FRMPD2: variants seen among roughly 807,000 people sequenced by gnomAD.
The protein encoded by FRMPD2 is FERM and PDZ domain containing 2, also known as FERM and PDZ domain-containing protein 2.
A neutral mutation model predicts 140.1 loss-of-function variants in FRMPD2; 96 were observed. The observed-to-expected ratio is 0.69, with a 90% CI of 0.58 to 0.81. FRMPD2 has a LOEUF of 0.81. Ranked by LOEUF, FRMPD2 falls within the 40% of genes least tolerant of loss-of-function variation. The pLI, the probability that FRMPD2 is intolerant of heterozygous loss-of-function variation, is 0.00. For synonymous variants in FRMPD2, 449 were observed against 547.6 expected (o/e 0.82, Z 2.52); for missense variants, 1,240 against 1,447.4 (o/e 0.86, Z 2.32).
chr10:48,194,791 C>T (rs923847735), intron 15 of FRMPD2, among the ~76,000 whole-genome samples: 3 of 152,106 alleles, frequency 2.0e-5, no homozygotes, highest in Non-Finnish European at 2.9e-5. Flanking sequence ...GGTGGGGCTG[C>T]TGGTGAGTGC....
intron 28 of FRMPD2, chr10:48,159,199 C>T (rs1213483518): frequency 8.8e-6 from 4 of 456,104 alleles, no homozygotes; most frequent in African/African-American, 4.0e-5. Context: ...CTGCTCCTGA[C>T]AACTGCATTT....
intron 13 of FRMPD2, among the ~76,000 whole-genome samples, chr10:48,211,397 T>G (rs1839320326): frequency 6.6e-6 from 1 of 152,240 alleles, no homozygotes; most frequent in Admixed American, 6.5e-5. Context: ...GGCTTTTCTC[T>G]GGCTCAAGCG....
rs769581629 is a variant in FRMPD2, at chr10:48,187,221, G to T, written c.2237C>A (p.Ser746Tyr). 1 of 1,613,706 alleles carries T rather than the reference G, an allele frequency of 6.2e-7. No homozygotes were observed. Among genetic ancestry groups the T allele is most frequent in the South Asian group, 1.1e-5 (1 of 91,022 alleles). ...ATGCATGCTCTGAACAGGTGGTCCAGAGAGAGAGTCCCAGGTCATTGGCTT... is the reference window on the plus strand; with the variant it reads ...ATGCATGCTCTGAACAGGTGGTCCATAGAGAGAGTCCCAGGTCATTGGCTT... ...IQKPMTWDSL[S>Y]GPPVQSMHAG... Residue 746 changes from serine to tyrosine, a missense_variant, in exon 17 of 29, where the codon TCT becomes TAT. Ser to Tyr is a moderately radical substitution (Grantham distance 144). This residue lies in a region of FRMPD2 where 1,161 missense variants were observed against 1,055.9 expected (regional missense o/e 1.10). Transcript: ENST00000374201.
rs778857395 is a variant in FRMPD2, at chr10:48,187,195, C to T, written c.2263G>A (p.Ala755Thr). The T allele has an allele frequency of 6.2e-7, 1 of 1,612,662 alleles. No individual in the cohort carries two copies. The highest frequency in any genetic ancestry group is 1.1e-5 in the South Asian group (1 of 90,890). The change falls in exon 17 of 29, where the codon GCA (alanine) becomes ACA (threonine). Residue 755 changes from alanine to threonine, a missense_variant. By Grantham distance (58) the Ala-to-Thr change is moderately conservative. This residue lies in a region of FRMPD2 where 1,161 missense variants were observed against 1,055.9 expected (regional missense o/e 1.10). Coordinates refer to ENST00000374201, the MANE Select transcript of FRMPD2 (RefSeq NM_001018071.4). ...LSGPPVQSMH[A>T]GSKNNRRKSF... is the part of the protein sequence containing the mutation. ...CTGGTCGTGGCCTGGCCCATACCTG[C>T]ATGCATGCTCTGAACAGGTGGTCCA...
At chr10:48,207,015 A>T in intron 13 of FRMPD2, 82 bp from the exon 14 acceptor site, 1 of 1,230,402 alleles carries the variant, frequency 8.1e-7, no homozygotes, top group Non-Finnish European at 1.1e-6. Flanking sequence ...TCCATGCAAA[A>T]CACACTGATA....
At chr10:48,196,327 T>C (rs1006046240) in intron 15 of FRMPD2, among the ~76,000 whole-genome samples, 2 of 152,122 alleles carry the variant, frequency 1.3e-5, no homozygotes, top group Non-Finnish European at 2.9e-5. Context: ...GTTTTCAGCA[T>C]GGAAGAAAAT....
rs763761421 is a variant in FRMPD2 at position 48,187,257 on chromosome 10, CAG to C, written c.2199_2200del (p.Val735AspfsTer25). The C allele has an allele frequency of 6.1e-5, 98 of 1,614,086 alleles. No homozygotes were observed. In the Middle Eastern group the frequency reaches 6.6e-4, roughly 11 times the overall value. On this transcript the variant is annotated frameshift_variant, in exon 17 of 29. Transcript: ENST00000374201. LOFTEE classifies it high-confidence loss of function. Reference sequence around the variant, plus strand: ...CCAGGTCATTGGCTTCTGGATCACACAGGCACTCTTCAGCTGCTCCCGGCCAG... The same window carrying C: ...CCAGGTCATTGGCTTCTGGATCACACGCACTCTTCAGCTGCTCCCGGCCAG...
chr10:48,245,715 G>T (rs1377508823), intron 3 of FRMPD2, among the ~76,000 whole-genome samples: 2 of 152,106 alleles, frequency 1.3e-5, no homozygotes, highest in Non-Finnish European at 2.9e-5. Flanking sequence ...GTCCCCACTT[G>T]TCTACATGGC....
At chr10:48,231,814 G>A (rs1028785415) in intron 10 of FRMPD2, among the ~76,000 whole-genome samples, 2 of 152,188 alleles carry the variant, frequency 1.3e-5, no homozygotes, top group African/African-American at 2.4e-5. Flanking sequence ...ATCATTAGAT[G>A]GAAATGCTTT....
intron 1 of FRMPD2, among the ~76,000 whole-genome samples, chr10:48,255,358 G>A (rs560714069): frequency 1.3e-3 from 198 of 152,264 alleles, no homozygotes; most frequent in African/African-American, 4.6e-3. Context: ...GGCATGCCTC[G>A]GGCTAGAATC....
intron 12 of FRMPD2, among the ~76,000 whole-genome samples, chr10:48,221,962 GTGGATGGATGGATGGTTGGA>G (rs1564429856): frequency 2.9e-5 from 4 of 136,826 alleles, no homozygotes; most frequent in African/African-American, 8.2e-5. Context: ...GGGTGGGTGG[GTGGATGGATGGATGGTTGGA>G]TGGATGGATG....
intron 13 of FRMPD2, among the ~76,000 whole-genome samples, chr10:48,211,078 T>A (rs1383801589): frequency 6.6e-6 from 1 of 152,132 alleles, no homozygotes; most frequent in Non-Finnish European, 1.5e-5. Flanking sequence ...TTCCATTGAG[T>A]GTTTATTGAG....
At position 48,213,965 on chromosome 10, in the gene FRMPD2, A is replaced by C. The variant is rs542377756; in HGVS notation, c.1456-1856T>G. Among the ~76,000 whole-genome samples the C allele has an allele frequency of 2.6e-3, 402 of 152,310 alleles. 1 individual carries two copies. The highest frequency in any genetic ancestry group is 4.9e-3 in the Non-Finnish European group (331 of 68,014). On this transcript the variant is annotated intron_variant, in intron 12 of 28. Transcript: ENST00000374201. ...GCCAGGAAGAAAATGAACTCGGGGC[A>C]CATAGCACCTGCTCCAAGAATTAAA...
At chr10:48,235,885 G>A (rs902934028) in intron 9 of FRMPD2, among the ~76,000 whole-genome samples, 27 of 152,042 alleles carry the variant, frequency 1.8e-4, no homozygotes, top group African/African-American at 6.5e-4. Context: ...GGAAGGGACA[G>A]CCCACACAGC....
intron 13 of FRMPD2, 77 bp downstream of exon 13, chr10:48,211,877 T>G: frequency 2.1e-6 from 3 of 1,449,664 alleles, no homozygotes; most frequent in Non-Finnish European, 1.9e-6. Context: ...CTGGGCCCCT[T>G]GAGAAGGCTC....
chr10:48,227,411 G>T (rs1306507505), intron 10 of FRMPD2, among the ~76,000 whole-genome samples: 3 of 152,200 alleles, frequency 2.0e-5, no homozygotes, highest in Non-Finnish European at 2.9e-5. Flanking sequence ...GAGCCAGCTG[G>T]CTAGGAGTCT....
chr10:48,263,763 T>C (rs375755935), intron 1 of FRMPD2, among the ~76,000 whole-genome samples: 4 of 152,192 alleles, frequency 2.6e-5, no homozygotes, highest in East Asian at 1.9e-4. Flanking sequence ...TTCCAGAAAA[T>C]AGAAGCAGAG....
intron 12 of FRMPD2, among the ~76,000 whole-genome samples, chr10:48,217,897 T>C (rs1179514748): frequency 6.6e-6 from 1 of 152,248 alleles, no homozygotes; most frequent in Non-Finnish European, 1.5e-5. Flanking sequence ...TGGTGGCTAC[T>C]GTTCCTCCTT....
intron 8 of FRMPD2, among the ~76,000 whole-genome samples, chr10:48,237,335 G>A (rs1839989829): frequency 6.6e-6 from 1 of 152,118 alleles, no homozygotes; most frequent in African/African-American, 2.4e-5. Context: ...AGCCAAAGGA[G>A]GTGGACAAAG....
Sources: gnomAD v4.1 joint callset for allele counts (sites outside exome capture counted in the v4.1 genomes callset) on GRCh38, gnomAD v4.1.1 for gene constraint, gnomAD v4.1.1 regional missense constraint, MANE v1.5 for transcripts, NCBI Gene and HGNC (gene_info 2026-07-23, HGNC 2026-07-21) for gene names.